EFCAB8: variants seen among roughly 807,000 people sequenced by gnomAD.
EFCAB8 encodes EF-hand calcium binding domain 8.
In EFCAB8, 100 loss-of-function variants were observed where a neutral mutation model predicts 116.3. The ratio of observed to expected loss-of-function variants is 0.86; its 90% CI spans 0.73 to 1.02. EFCAB8 has a LOEUF of 1.02. EFCAB8 is among the 50% of genes least tolerant of loss of function. EFCAB8 has a pLI of 0.00. For missense variants in EFCAB8, 1,320 were observed against 1,416.9 expected (o/e 0.93, Z 1.10); for synonymous variants, 558 against 567.9 (o/e 0.98, Z 0.25).
At chr20:32,935,389 G>T (rs1205022255) in intron 22 of EFCAB8, among the ~76,000 whole-genome samples, 1 of 151,514 alleles carries the variant, frequency 6.6e-6, no homozygotes, top group African/African-American at 2.4e-5. Context: ...CAGTAGAGAC[G>T]AGGTGTCACC....
chr20:32,897,439 CTT>C (rs10693739), intron 10 of EFCAB8, among the ~76,000 whole-genome samples: 35 of 136,118 alleles, frequency 2.6e-4, no homozygotes, highest in Admixed American at 5.2e-4. Context: ...CCTGCACTGA[CTT>C]TTTTTTTTTT....
chr20:32,948,575 AG>A (rs1988694717), intron 23 of EFCAB8, among the ~76,000 whole-genome samples: 2 of 151,474 alleles, frequency 1.3e-5, no homozygotes, highest in Non-Finnish European at 2.9e-5. Context: ...AAAGAAAGAA[AG>A]AAAGAAAAGA....
At chr20:32,884,070 A>G (rs1016962889) in intron 5 of EFCAB8, among the ~76,000 whole-genome samples, 11 of 152,084 alleles carry the variant, frequency 7.2e-5, no homozygotes, top group African/African-American at 2.7e-4. Flanking sequence ...TTTAGATCTC[A>G]AGGGTGTTTA....
chr20:32,882,741 G>A (rs1277547594), intron 5 of EFCAB8, among the ~76,000 whole-genome samples: 2 of 151,598 alleles, frequency 1.3e-5, no homozygotes, highest in African/African-American at 4.9e-5. Flanking sequence ...GGTCGCCCAG[G>A]CTGGAGTGCA....
At position 32,911,704 on chromosome 20, in the gene EFCAB8, G is replaced by A. The variant is rs903557215; in HGVS notation, c.1782G>A (p.Leu594=). 2 of 1,551,678 alleles carry A rather than the reference G, an allele frequency of 1.3e-6. No homozygotes were observed. Among genetic ancestry groups the A allele is most frequent in the African/African-American group, 1.4e-5 (1 of 73,168 alleles). The change falls in exon 16 of 27, where the codon CTG becomes CTA. Residue 594 remains leucine (L), a synonymous_variant. Transcript: ENST00000400522. Reference sequence around the variant, plus strand: ...TGACCTTTCCCAGTCCGGAACAGCTGGAGGTCAGTCTTGCTTGTCAATTAC... The same window carrying A: ...TGACCTTTCCCAGTCCGGAACAGCTAGAGGTCAGTCTTGCTTGTCAATTAC... ...CLLTFPSPEQ[L]EISGIIHMNK...
At chr20:32,928,136 C>A (rs1232882619) in intron 20 of EFCAB8, among the ~76,000 whole-genome samples, 1 of 152,090 alleles carries the variant, frequency 6.6e-6, no homozygotes, top group African/African-American at 2.4e-5. Flanking sequence ...GATTAATTCC[C>A]AAGTATTTTA....
intron 5 of EFCAB8, among the ~76,000 whole-genome samples, chr20:32,884,480 C>T (rs1408568424): frequency 6.6e-6 from 1 of 152,222 alleles, no homozygotes; most frequent in African/African-American, 2.4e-5. Context: ...ATATTCATCA[C>T]AATCTACCCA....
chr20:32,908,107 C>A (rs898209588), intron 13 of EFCAB8, among the ~76,000 whole-genome samples, 168 bp from the exon 14 acceptor site: 1 of 152,192 alleles, frequency 6.6e-6, no homozygotes, highest in Non-Finnish European at 1.5e-5. Context: ...ACAAGAGTAG[C>A]CTCTCTGCTG....
At chr20:32,928,134 C>T (rs1987744669) in intron 20 of EFCAB8, among the ~76,000 whole-genome samples, 1 of 152,072 alleles carries the variant, frequency 6.6e-6, no homozygotes, top group Admixed American at 6.6e-5. Context: ...TTGATTAATT[C>T]CCAAGTATTT....
At chr20:32,943,523 CTG>C (rs1988471210) in intron 22 of EFCAB8, 111 bp from the exon 23 acceptor site, 1 of 415,416 alleles carries the variant, frequency 2.4e-6, no homozygotes, top group Non-Finnish European at 4.4e-6. Context: ...GAACGCTAGC[CTG>C]TGTCCCAGGG....
At chr20:32,880,359 C>A (rs1985265535) in intron 5 of EFCAB8, among the ~76,000 whole-genome samples, 1 of 152,088 alleles carries the variant, frequency 6.6e-6, no homozygotes, top group Admixed American at 6.5e-5. Context: ...ACCTCCGCCC[C>A]CCGGGTTCAA....
chr20:32,959,832 G>T lies in EFCAB8; in HGVS notation c.3144G>T (p.Ala1048=). Residue 1048 remains alanine, a synonymous_variant, in exon 25 of 27, where the codon GCG becomes GCT. Transcript: ENST00000400522. ...TATACCAGCGGCGAGAGCAGGCGGC[G>T]CTGATGGCTCTCCTGCATGGGAAGG... ...ALIYQRREQA[A]LMALLHGKAD... The T allele has an allele frequency of 6.5e-7, 1 of 1,543,534 alleles. No homozygotes were observed. The highest frequency in any genetic ancestry group is 8.8e-7 in the Non-Finnish European group (1 of 1,141,934).
intron 11 of EFCAB8, among the ~76,000 whole-genome samples, 180 bp from the exon 12 acceptor site, chr20:32,906,382 C>T (rs1177444813): frequency 6.6e-6 from 1 of 152,072 alleles, no homozygotes; most frequent in East Asian, 1.9e-4. Context: ...GACTTGGCTG[C>T]AGGGTGAACC....
At chr20:32,935,417 C>T (rs1988080845) in intron 22 of EFCAB8, among the ~76,000 whole-genome samples, 1 of 151,762 alleles carries the variant, frequency 6.6e-6, no homozygotes, top group East Asian at 1.9e-4. Flanking sequence ...TCAGGCTGGT[C>T]CCGAACTCCT....
At chr20:32,883,572 G>A (rs745542737) in intron 5 of EFCAB8, among the ~76,000 whole-genome samples, 1 of 152,116 alleles carries the variant, frequency 6.6e-6, no homozygotes, top group Non-Finnish European at 1.5e-5. Flanking sequence ...TAGATATAGT[G>A]TTCATTCCCA....
chr20:32,911,766 C>T, intron 16 of EFCAB8, 59 bp downstream of exon 16: 2 of 1,489,294 alleles, frequency 1.3e-6, no homozygotes, highest in South Asian at 2.4e-5. Context: ...AAGCACAGCT[C>T]CTTTGACCCT....
In EFCAB8 at chr20:32,918,426, A is replaced by G; in HGVS notation, c.2126A>G (p.Glu709Gly). The change falls in exon 19 of 27, where the codon GAG becomes GGG. Residue 709 changes from glutamate (E) to glycine (G), a missense_variant. Physicochemically the swap from Glu to Gly is moderately conservative, Grantham distance 98 (BLOSUM62 -2). Transcript: ENST00000400522. Reference protein sequence around the residue: ...HRPSRPYVEREKWTYKTSRKL... With the variant: ...HRPSRPYVERGKWTYKTSRKL... ...CCCAGCAGACCCTATGTGGAGCGGG[A>G]GAAGTGGACATACAAGACCTCCAGG... 1 of 1,551,690 alleles carries G rather than the reference A, an allele frequency of 6.4e-7. No homozygotes were observed. Among genetic ancestry groups the G allele is most frequent in the East Asian group, 2.4e-5 (1 of 40,922 alleles).
intron 7 of EFCAB8, among the ~76,000 whole-genome samples, chr20:32,891,842 T>A (rs62208903): frequency 6.9e-6 from 1 of 145,544 alleles, no homozygotes; most frequent in African/African-American, 2.5e-5. Flanking sequence ...TTTTTTTTTT[T>A]AATTGAGACA....
intron 23 of EFCAB8, among the ~76,000 whole-genome samples, chr20:32,951,649 T>C (rs1774486625): frequency 6.6e-6 from 1 of 152,232 alleles, no homozygotes; most frequent in East Asian, 1.9e-4. Context: ...GGTTATTGCA[T>C]GTCAATTATA....
Sources: gnomAD v4.1 joint callset for allele counts (sites outside exome capture counted in the v4.1 genomes callset) on GRCh38, gnomAD v4.1.1 for gene constraint, MANE v1.5 for transcripts, NCBI Gene and HGNC (gene_info 2026-07-23, HGNC 2026-07-21) for gene names.